CNTN5: variants seen among roughly 807,000 people sequenced by gnomAD.
CNTN5 encodes the protein contactin 5, also known as contactin-5.
In CNTN5, 77 loss-of-function variants were observed where a neutral mutation model predicts 129.1. The ratio of observed to expected loss-of-function variants is 0.60; its 90% CI spans 0.50 to 0.72. The LOEUF (loss-of-function observed/expected upper bound fraction) is 0.72, where lower values mean the gene tolerates loss of function less well. CNTN5 is among the 30% of genes least tolerant of loss of function. The pLI is 0.00. For synonymous variants in CNTN5, 509 were observed against 465.6 expected (o/e 1.09, Z -1.20); for missense variants, 1,478 against 1,328.8 (o/e 1.11, Z -1.75).
Position 99,755,248 on chromosome 11 carries a change from G to A in CNTN5, c.56-64296G>A, listed in dbSNP as rs117621062. Among the ~76,000 whole-genome samples the A allele has an allele frequency of 6.4e-3, 981 of 152,250 alleles. 45 individuals are homozygous for A. Among genetic ancestry groups the A allele is most frequent in the Admixed American group, 0.058 (886 of 15,294 alleles). On this transcript the variant is annotated intron_variant, in intron 3 of 24. Transcript: ENST00000524871. ...CTCATTTAGGTAAATACCAAGGAGT[G>A]CAATTGTTGAATTGTATGGTAAGAG...
intron 2 of CNTN5, among the ~76,000 whole-genome samples, chr11:99,394,942 C>T (rs539431363): frequency 1.3e-5 from 2 of 151,742 alleles, no homozygotes; most frequent in East Asian, 3.9e-4. Context: ...AGTCTAACAT[C>T]GATGGGCATT....
At chr11:99,271,956 A>T (rs1591451174) in intron 1 of CNTN5, among the ~76,000 whole-genome samples, 1 of 152,054 alleles carries the variant, frequency 6.6e-6, no homozygotes, top group Non-Finnish European at 1.5e-5. Flanking sequence ...ATGCACCACA[A>T]TCAAATGTAG....
intron 3 of CNTN5, among the ~76,000 whole-genome samples, chr11:99,769,812 T>C (rs1944881883): frequency 1.0e-5 from 1 of 98,722 alleles, no homozygotes; most frequent in Admixed American, 1.2e-4. Flanking sequence ...TGAGACCCCG[T>C]CTCAAAAAAA....
chr11:100,206,582 T>C (rs1388030136), intron 15 of CNTN5, among the ~76,000 whole-genome samples: 3 of 152,162 alleles, frequency 2.0e-5, no homozygotes, highest in South Asian at 2.1e-4. Context: ...TTCTGTGGTA[T>C]AGATAAAATA....
intron 2 of CNTN5, among the ~76,000 whole-genome samples, chr11:99,346,484 A>T (rs562016767): frequency 6.6e-6 from 1 of 151,954 alleles, no homozygotes; most frequent in Non-Finnish European, 1.5e-5. Flanking sequence ...CCCTGGAGAG[A>T]GAAGCCTACC....
At chr11:99,989,557 T>C (rs904902361) in intron 8 of CNTN5, among the ~76,000 whole-genome samples, 2 of 152,100 alleles carry the variant, frequency 1.3e-5, no homozygotes, top group African/African-American at 4.8e-5. Context: ...CCTTAAATTG[T>C]AAAAAACCAC....
intron 1 of CNTN5, among the ~76,000 whole-genome samples, chr11:99,185,286 GA>G (rs1246737177): frequency 8.7e-5 from 2 of 22,936 alleles, no homozygotes; most frequent in East Asian, 0.11. Flanking sequence ...GATAACTAAA[GA>G]TTTTTTTTAT....
chr11:99,768,693 C>A (rs1944841522), intron 3 of CNTN5, among the ~76,000 whole-genome samples: 1 of 152,008 alleles, frequency 6.6e-6, no homozygotes, highest in South Asian at 2.1e-4. Context: ...ACACACTTCC[C>A]ATTTTATCAT....
intron 2 of CNTN5, among the ~76,000 whole-genome samples, chr11:99,433,299 G>A (rs1411803136): frequency 6.6e-6 from 1 of 151,494 alleles, no homozygotes; most frequent in Non-Finnish European, 1.5e-5. Flanking sequence ...GCTACTGACT[G>A]ACTGATTTCA....
chr11:99,749,758 T>A (rs1028700401), intron 3 of CNTN5, among the ~76,000 whole-genome samples: 14 of 152,230 alleles, frequency 9.2e-5, no homozygotes, highest in Admixed American at 2.0e-4. Flanking sequence ...CTAGCACAAC[T>A]CTTAAAGCAA....
chr11:99,128,494 G>A (rs1471890300), intron 1 of CNTN5, among the ~76,000 whole-genome samples: 1 of 152,218 alleles, frequency 6.6e-6, no homozygotes, highest in Non-Finnish European at 1.5e-5. Context: ...TCCTCTGCCA[G>A]GGACAGAGCA....
At chr11:99,510,180 A>G (rs1946781603) in intron 2 of CNTN5, among the ~76,000 whole-genome samples, 1 of 152,110 alleles carries the variant, frequency 6.6e-6, no homozygotes, top group African/African-American at 2.4e-5. Flanking sequence ...GAGTGCTTAC[A>G]GAAAGAACAA....
At chr11:99,291,428 CTG>C (rs1159505761) in intron 1 of CNTN5, among the ~76,000 whole-genome samples, 1 of 151,824 alleles carries the variant, frequency 6.6e-6, no homozygotes, top group Non-Finnish European at 1.5e-5. Context: ...ATTTGCTATG[CTG>C]TGTCTTATAG....
At chr11:99,940,753 A>G (rs898986170) in intron 7 of CNTN5, among the ~76,000 whole-genome samples, 3 of 152,116 alleles carry the variant, frequency 2.0e-5, no homozygotes, top group Non-Finnish European at 4.4e-5. Flanking sequence ...TGTGCTTACC[A>G]TTCCACCACA....
At chr11:99,743,687 A>C (rs913521793) in intron 3 of CNTN5, among the ~76,000 whole-genome samples, 8 of 152,164 alleles carry the variant, frequency 5.3e-5, no homozygotes, top group African/African-American at 1.9e-4. Flanking sequence ...CTTCTAATAC[A>C]GGTGGCCTCT....
intron 7 of CNTN5, among the ~76,000 whole-genome samples, chr11:99,946,976 G>A (rs901166061): frequency 8.2e-4 from 124 of 151,214 alleles, no homozygotes; most frequent in African/African-American, 2.8e-3. Flanking sequence ...AGATATAAAC[G>A]TAATTATAAA....
intron 3 of CNTN5, among the ~76,000 whole-genome samples, chr11:99,710,795 G>C (rs1238795841): frequency 1.3e-5 from 2 of 151,806 alleles, no homozygotes; most frequent in East Asian, 1.9e-4. Context: ...CAAAGGATGA[G>C]AGAAAAGGCA....
rs201450221 is a variant in CNTN5, at chr11:100,340,007, A to G, written c.2731-456A>G. On this transcript the variant is annotated intron_variant, in intron 21 of 24. Transcript: ENST00000524871. ...TCCAGTGTTCTACCACCTCTTCTCC[A>G]TTAAACTGATACAGCTCGTGTGATT... Among the ~76,000 whole-genome samples, 407 of 152,284 alleles carry G rather than the reference A, an allele frequency of 2.7e-3. 1 individual carries two copies. The highest frequency in any genetic ancestry group is 9.2e-3 in the African/African-American group (383 of 41,556).
intron 3 of CNTN5, among the ~76,000 whole-genome samples, chr11:99,687,374 A>T (rs1223650832): frequency 6.6e-6 from 1 of 152,162 alleles, no homozygotes; most frequent in African/African-American, 2.4e-5. Flanking sequence ...CTGGGTAAAC[A>T]TAAAGTAGTT....
Sources: allele counts gnomAD v4.1 joint callset (sites outside exome capture counted in the v4.1 genomes callset), GRCh38; gene constraint gnomAD v4.1.1; transcripts MANE v1.5; gene names NCBI Gene and HGNC (gene_info 2026-07-23, HGNC 2026-07-21).